The following ZNF532 variants were observed in gnomAD, a reference collection of about 807,000 sequenced individuals.
ZNF532 encodes the protein zinc finger protein 532.
In ZNF532, 22 loss-of-function variants were observed where a neutral mutation model predicts 89.3. The observed-to-expected ratio is 0.25, with a 90% confidence interval of 0.18 to 0.35. The LOEUF is 0.35. Ranked by LOEUF, ZNF532 falls within the 10% of genes least tolerant of loss-of-function variation. ZNF532 has a pLI of 1.00. For synonymous variants in ZNF532, 606 were observed against 649.6 expected, an observed-to-expected ratio of 0.93 and a Z score of 1.02; for missense variants, 1,132 against 1,643.4, an observed-to-expected ratio of 0.69 and a Z score of 5.38.
rs1277183360 is a variant in ZNF532, at chr18:58,985,349, A to C, written c.*883A>C. On this transcript the variant is annotated 3_prime_UTR_variant, in exon 10 of 10. Coordinates refer to ENST00000591808, the MANE Select transcript of ZNF532 (RefSeq NM_001375912.1). The stretch of plus-strand genomic sequence containing the variant: ...TCAGGTTTTTGTCATGTAATTTATT[A>C]ACTAACTATTACAGAAACACAGCTA... The C allele has an allele frequency of 6.6e-6, 1 of 152,604 alleles. No homozygotes were observed. Among genetic ancestry groups the C allele is most frequent in the Non-Finnish European group, 1.5e-5 (1 of 68,026 alleles). 9.5% of individuals were successfully genotyped at this position (152,604 alleles called of 1,614,324 possible). A position where few individuals can be genotyped will look rare whatever the true frequency, so the allele number is the denominator to read the frequency against.
intron 9 of ZNF532, among the ~76,000 whole-genome samples, chr18:58,982,304 G>GT (rs1221092661): frequency 5.3e-5 from 8 of 151,784 alleles, no homozygotes; most frequent in Middle Eastern, 3.4e-3. Flanking sequence ...GACTTTTTTT[G>GT]TTTTTTTGAG....
intron 5 of ZNF532, among the ~76,000 whole-genome samples, chr18:58,946,030 A>G (rs1458309213): frequency 6.6e-6 from 1 of 152,140 alleles, no homozygotes; most frequent in Non-Finnish European, 1.5e-5. Flanking sequence ...CGCCCGGCCA[A>G]GTCTATCCTT....
intron 3 of ZNF532, among the ~76,000 whole-genome samples, chr18:58,933,347 C>T (rs552085389): frequency 3.9e-5 from 6 of 151,950 alleles, no homozygotes; most frequent in South Asian, 2.1e-4. Context: ...CTAAGTCACT[C>T]GGAAGTTTAA....
chr18:58,866,600 A>C (rs531985914), intron 2 of ZNF532, among the ~76,000 whole-genome samples: 8 of 152,176 alleles, frequency 5.3e-5, no homozygotes, highest in Non-Finnish European at 8.8e-5. Context: ...ATTTTCCCCT[A>C]CTTCGAAGTG....
intron 2 of ZNF532, among the ~76,000 whole-genome samples, chr18:58,913,477 A>G (rs1367935083): frequency 6.6e-6 from 1 of 152,124 alleles, no homozygotes; most frequent in African/African-American, 2.4e-5. Context: ...GGGGCCAGGC[A>G]CAGTGGCTCA....
chr18:58,934,988 T>C (rs1027831149), intron 4 of ZNF532, among the ~76,000 whole-genome samples: 11 of 152,070 alleles, frequency 7.2e-5, no homozygotes, highest in Admixed American at 5.9e-4. Flanking sequence ...TCCCCTTCTC[T>C]AATGAAAACA....
intron 2 of ZNF532, among the ~76,000 whole-genome samples, chr18:58,871,337 G>A (rs951201121): frequency 8.5e-5 from 13 of 152,068 alleles, no homozygotes; most frequent in African/African-American, 1.2e-4. Flanking sequence ...CTCCTGCCTC[G>A]GCTTCCCAAG....
At chr18:58,947,398 G>A (rs953267161) in intron 5 of ZNF532, among the ~76,000 whole-genome samples, 1 of 152,186 alleles carries the variant, frequency 6.6e-6, no homozygotes, top group African/African-American at 2.4e-5. Context: ...CTGCTTGTTA[G>A]TAACATATTA....
chr18:58,889,796 A>C (rs1353585485), intron 2 of ZNF532, among the ~76,000 whole-genome samples: 1 of 149,740 alleles, frequency 6.7e-6, no homozygotes, highest in East Asian at 2.0e-4. Flanking sequence ...AAAAAACCCC[A>C]AAATTTGGCT....
chr18:58,913,758 A>G (rs2060426700), intron 2 of ZNF532, among the ~76,000 whole-genome samples: 1 of 152,244 alleles, frequency 6.6e-6, no homozygotes, highest in African/African-American at 2.4e-5. Context: ...GGAAGCCTTT[A>G]TAATACTGCC....
chr18:58,959,267 TTTG>T (rs2065109524), intron 7 of ZNF532, among the ~76,000 whole-genome samples: 1 of 147,458 alleles, frequency 6.8e-6, no homozygotes, highest in South Asian at 2.2e-4. Context: ...TTTGTTTTTT[TTTG>T]TTTTTTTTTG....
chr18:58,979,551 CTAATTTTTGTATTTTTAG>C (rs1216855124), intron 8 of ZNF532: 2 of 154,956 alleles, frequency 1.3e-5, no homozygotes, highest in Non-Finnish European at 2.9e-5. Context: ...CCACACCCAG[CTAATTTTTGTATTTTTAG>C]TAGAGACGGG....
intron 6 of ZNF532, among the ~76,000 whole-genome samples, chr18:58,948,499 G>GT (rs748897209): frequency 6.7e-6 from 1 of 150,286 alleles, no homozygotes; most frequent in African/African-American, 2.5e-5. Flanking sequence ...AAAGTACTAA[G>GT]TTTTTTGTTT....
rs758907039 is a variant in ZNF532, at chr18:58,882,994, C to T, written c.-18+17415C>T. ...CTAGACTGTAGAACCCCTTCTTCCC[C>T]TTTCTTGGGTGGAAAGTTTAGTAAC... On this transcript the variant is annotated intron_variant, in intron 2 of 9. Coordinates refer to ENST00000591808, the MANE Select transcript of ZNF532 (RefSeq NM_001375912.1). Among the ~76,000 whole-genome samples the T allele has an allele frequency of 4.4e-4, 67 of 152,178 alleles. 1 individual carries two copies. The highest frequency in any genetic ancestry group is 8.4e-4 in the Non-Finnish European group (57 of 68,030).
chr18:58,982,505 C>T (rs1350425677), intron 9 of ZNF532, among the ~76,000 whole-genome samples: 2 of 151,660 alleles, frequency 1.3e-5, no homozygotes, highest in Non-Finnish European at 2.9e-5. Flanking sequence ...CCTGTAATCT[C>T]CAGCTACTCA....
chr18:58,890,149 A>C (rs2145331727), intron 2 of ZNF532, among the ~76,000 whole-genome samples: 2 of 152,070 alleles, frequency 1.3e-5, no homozygotes, highest in African/African-American at 4.8e-5. Context: ...TGGGAGGCTG[A>C]GGCAGGAGAA....
intron 7 of ZNF532, among the ~76,000 whole-genome samples, chr18:58,969,689 G>C (rs547535868): frequency 2.2e-4 from 34 of 152,200 alleles, no homozygotes; most frequent in Non-Finnish European, 4.4e-4. Flanking sequence ...TTTGACATTT[G>C]TGTTTGCTTG....
chr18:58,863,403 G>T, upstream of ZNF532: 1 of 131,854 alleles, frequency 7.6e-6, no homozygotes, highest in South Asian at 2.2e-4. Flanking sequence ...CCGGCCGCGG[G>T]GCTTCGCGCT....
At chr18:58,898,337 C>T (rs79247026) in intron 2 of ZNF532, among the ~76,000 whole-genome samples, 12,638 of 152,206 alleles carry the variant, frequency 0.083, 990 homozygotes, top group East Asian at 0.37. Context: ...GGCTCCGAGG[C>T]CTACCTTTAA....
Sources: gnomAD v4.1 joint callset for allele counts (sites outside exome capture counted in the v4.1 genomes callset) on GRCh38, gnomAD v4.1.1 for gene constraint, MANE v1.5 for transcripts, NCBI Gene and HGNC (gene_info 2026-07-23, HGNC 2026-07-21) for gene names.